SLC22A23: variants seen among roughly 807,000 people sequenced by gnomAD.
SLC22A23 encodes solute carrier family 22 member 23.
Under a neutral mutation model 61.0 loss-of-function variants are expected in SLC22A23, and 26 were observed. The ratio of observed to expected loss-of-function variants is 0.43; its 90% CI spans 0.31 to 0.59. The LOEUF (loss-of-function observed/expected upper bound fraction) is 0.59, where lower values mean the gene tolerates loss of function less well. Ranked by LOEUF, SLC22A23 falls within the 20% of genes least tolerant of loss-of-function variation. The pLI is 0.11. For synonymous variants in SLC22A23, 430 were observed against 413.9 expected (o/e 1.04, Z -0.47); for missense variants, 796 against 934.7 (o/e 0.85, Z 1.94).
At chr6:3,424,444 C>T (rs569575294) in intron 1 of SLC22A23, among the ~76,000 whole-genome samples, 3 of 152,298 alleles carry the variant, frequency 2.0e-5, no homozygotes, top group Admixed American at 1.3e-4. Context: ...ATATTACTTT[C>T]GCAAGCACAC....
chr6:3,383,603 G>A (rs1767093737), intron 3 of SLC22A23, among the ~76,000 whole-genome samples: 2 of 152,248 alleles, frequency 1.3e-5, no homozygotes, highest in Non-Finnish European at 2.9e-5. Context: ...CTGATGTGAG[G>A]GGTCAGAAGA....
chr6:3,292,274 G>A (rs943904835), intron 5 of SLC22A23, among the ~76,000 whole-genome samples: 1 of 152,220 alleles, frequency 6.6e-6, no homozygotes, highest in East Asian at 1.9e-4. Context: ...CCTCAAGGCA[G>A]CGCTCTATGT....
chr6:3,343,016 G>A (rs1201136305), intron 3 of SLC22A23, among the ~76,000 whole-genome samples: 2 of 152,164 alleles, frequency 1.3e-5, no homozygotes, highest in African/African-American at 4.8e-5. Flanking sequence ...TTAGTAAGGT[G>A]TGTTTATGCA....
At chr6:3,353,439 T>C (rs1283091383) in intron 3 of SLC22A23, among the ~76,000 whole-genome samples, 1 of 152,244 alleles carries the variant, frequency 6.6e-6, no homozygotes, top group African/African-American at 2.4e-5. Flanking sequence ...TTGAGCGGTT[T>C]GGCTTCAGGC....
rs909534269 is a variant in SLC22A23, at chr6:3,390,570, C to T, written c.913+19618G>A. On this transcript the variant is annotated intron_variant, in intron 3 of 9. Transcript: ENST00000406686. This position sits in a 1 kb window ranked among gnomAD's most constrained non-coding sequence, Gnocchi z 4.0. ...GGGCCTAGAGTTCTGAGGTACACTT[C>T]GGGTTCACTTGCAGGTTTAAATGTT... Among the ~76,000 whole-genome samples, 1 of 152,128 alleles carries T rather than the reference C, an allele frequency of 6.6e-6. No homozygotes were observed. Among genetic ancestry groups the T allele is most frequent in the African/African-American group, 2.4e-5 (1 of 41,408 alleles).
At chr6:3,446,374 G>C (rs1042411070) in intron 1 of SLC22A23, among the ~76,000 whole-genome samples, 3 of 152,180 alleles carry the variant, frequency 2.0e-5, no homozygotes, top group African/African-American at 7.2e-5. Context: ...ACATGGCCAC[G>C]CCCAGGACAA....
At position 3,272,861 on chromosome 6, in the gene SLC22A23, T is replaced by C. The variant is rs1275523910; in HGVS notation, c.*194A>G. ...GGCAGAAAAGAAAGTCTTGAAAGGG[T>C]TATTTCCAAAGAGTTTGTCTCCTCC... On this transcript the variant is annotated 3_prime_UTR_variant, in exon 10 of 10. Transcript: ENST00000406686. 7.9e-6 allele frequency: 4 copies of C among 508,976 alleles called. No individual in the cohort carries two copies. The highest frequency in any genetic ancestry group is 1.4e-5 in the Non-Finnish European group (4 of 291,288). 31.5% of individuals were successfully genotyped at this position (508,976 alleles called of 1,614,324 possible).
At chr6:3,312,280 C>T (rs1762405232) in intron 4 of SLC22A23, 1 of 152,172 alleles carries the variant, frequency 6.6e-6, no homozygotes, top group South Asian at 2.1e-4. Context: ...AACCTTCTCC[C>T]TCTGTCTGCA....
chr6:3,358,669 T>A lies in SLC22A23; in HGVS notation c.914-34667A>T, dbSNP rs11968963. ...CTGCTGCACACATTGTGTCTATAGT[T>A]CACGATACTGTGCTGTACACTGAAA... On this transcript the variant is annotated intron_variant, in intron 3 of 9. Coordinates refer to ENST00000406686, the MANE Select transcript of SLC22A23 (RefSeq NM_015482.2). Among the ~76,000 whole-genome samples, 671 of 152,246 alleles carry A rather than the reference T, an allele frequency of 4.4e-3. 6 individuals are homozygous for A. The highest frequency in any genetic ancestry group is 0.015 in the African/African-American group (640 of 41,532).
intron 8 of SLC22A23, chr6:3,284,244 C>T: frequency 5.7e-6 from 2 of 351,714 alleles, no homozygotes; most frequent in South Asian, 3.4e-5. Context: ...AGCCGGGAGC[C>T]ATGCCTGGTG....
intron 3 of SLC22A23, among the ~76,000 whole-genome samples, chr6:3,339,747 G>A (rs1340783283): frequency 1.3e-5 from 2 of 152,098 alleles, no homozygotes; most frequent in Non-Finnish European, 2.9e-5. Context: ...TCTATAAAGG[G>A]GAGGCATGAA....
At position 3,309,672 on chromosome 6, in the gene SLC22A23, G is replaced by A. The variant is rs369558147; in HGVS notation, c.1083-11454C>T. 1.3e-5 allele frequency among the ~76,000 whole-genome samples: 2 copies of A among 152,244 alleles called. No individual in the cohort carries two copies. Among genetic ancestry groups the A allele is most frequent in the East Asian group, 3.8e-4 (2 of 5,202 alleles). On this transcript the variant is annotated intron_variant, in intron 4 of 9. Coordinates refer to ENST00000406686, the MANE Select transcript of SLC22A23 (RefSeq NM_015482.2). The surrounding 1 kb of genome is among the most constrained non-coding windows in gnomAD (Gnocchi z 4.7). The stretch of plus-strand genomic sequence containing the variant: ...GCACACAGGCGTTCCAGCCTCCTTG[G>A]TGGTACAGGAGCTTCACACACACAT...
At position 3,317,742 on chromosome 6, in the gene SLC22A23, C is replaced by T. The variant is rs1301803221; in HGVS notation, c.1082+6092G>A. ...ACGGCGTCTACTTTCAGGTGAAAAA[C>T]ACTCACAAGGGCTCTTTCTTCTGCC... On this transcript the variant is annotated intron_variant, in intron 4 of 9. Coordinates refer to ENST00000406686, the MANE Select transcript of SLC22A23 (RefSeq NM_015482.2). The surrounding 1 kb of genome is among the most constrained non-coding windows in gnomAD (Gnocchi z 4.4). 6.6e-6 allele frequency among the ~76,000 whole-genome samples: 1 copy of T among 152,188 alleles called. No individual in the cohort carries two copies. Among genetic ancestry groups the T allele is most frequent in the African/African-American group, 2.4e-5 (1 of 41,446 alleles).
At chr6:3,350,842 G>A (rs1350336219) in intron 3 of SLC22A23, among the ~76,000 whole-genome samples, 1 of 152,160 alleles carries the variant, frequency 6.6e-6, no homozygotes, top group Admixed American at 6.5e-5. Context: ...TTTCTTGGTG[G>A]TAATGGGGAG....
At chr6:3,441,617 G>A (rs1319433384) in intron 1 of SLC22A23, among the ~76,000 whole-genome samples, 2 of 152,168 alleles carry the variant, frequency 1.3e-5, no homozygotes, top group Admixed American at 6.5e-5. Flanking sequence ...TGACGGAAGC[G>A]ACTCCTCTGC....
intron 3 of SLC22A23, among the ~76,000 whole-genome samples, chr6:3,402,531 A>C (rs1768491386): frequency 6.8e-6 from 1 of 147,764 alleles, no homozygotes; most frequent in South Asian, 2.2e-4. Context: ...CACTACACAG[A>C]GTGCACTAGG....
At chr6:3,403,306 G>A (rs1441448686) in intron 3 of SLC22A23, among the ~76,000 whole-genome samples, 2 of 151,124 alleles carry the variant, frequency 1.3e-5, no homozygotes, top group African/African-American at 2.4e-5. Context: ...TTTTCTGGTC[G>A]ACTCAGCTTT....
chr6:3,436,056 C>G (rs115546086), intron 1 of SLC22A23, among the ~76,000 whole-genome samples: 1 of 152,140 alleles, frequency 6.6e-6, no homozygotes, highest in African/African-American at 2.4e-5. Context: ...GCTAATACAG[C>G]GTGAGAATGA....
intron 4 of SLC22A23, among the ~76,000 whole-genome samples, chr6:3,310,858 A>C (rs1762331008): frequency 6.6e-6 from 1 of 152,226 alleles, no homozygotes; most frequent in Admixed American, 6.5e-5. Flanking sequence ...CTGTACTAGC[A>C]CATTTACTCA....
Sources: gnomAD v4.1 joint callset for allele counts (sites outside exome capture counted in the v4.1 genomes callset) on GRCh38, gnomAD v4.1.1 for gene constraint, Gnocchi (gnomAD v3.1) non-coding constraint, MANE v1.5 for transcripts, NCBI Gene and HGNC (gene_info 2026-07-23, HGNC 2026-07-21) for gene names.